The following SNU13 variants were observed in gnomAD, a reference collection of about 807,000 sequenced individuals.
SNU13 encodes small nuclear ribonucleoprotein 13.
A neutral mutation model predicts 12.4 loss-of-function variants in SNU13; 2 were observed. That is an observed-to-expected ratio of 0.16 (90% CI 0.07 to 0.51). The LOEUF is 0.51. Ranked by LOEUF, SNU13 falls within the 20% of genes least tolerant of loss-of-function variation. SNU13 has a pLI of 0.96. For missense variants in SNU13, 66 were observed against 157.8 expected, an observed-to-expected ratio of 0.42 and a Z score of 3.12; for synonymous variants, 68 against 66.5, an observed-to-expected ratio of 1.02 and a Z score of -0.11.
chr22:41,685,630 G>A (rs905405840), intron 1 of SNU13, among the ~76,000 whole-genome samples: 1 of 150,208 alleles, frequency 6.7e-6, no homozygotes, highest in Admixed American at 6.6e-5. Flanking sequence ...GGGTTTACAG[G>A]CATGAGCCAC....
At chr22:41,688,930 C>CGCGA (rs997378363), upstream of SNU13, 93 of 1,431,014 alleles carry the variant, frequency 6.5e-5, no homozygotes, top group Non-Finnish European at 7.6e-5. Context: ...GGTGACGCTA[C>CGCGA]GCGAGCGAGT....
intron 1 of SNU13, among the ~76,000 whole-genome samples, chr22:41,683,402 G>A (rs1012852847): frequency 6.6e-6 from 1 of 152,042 alleles, no homozygotes; most frequent in South Asian, 2.1e-4. Flanking sequence ...GCACCACCAC[G>A]TCTGGCTAAT....
chr22:41,681,520 A>G (rs1473506895), intron 1 of SNU13: 1 of 152,242 alleles, frequency 6.6e-6, no homozygotes, highest in South Asian at 2.1e-4. Context: ...GGCGGTAACC[A>G]GGTAGAAGAT....
intron 1 of SNU13, chr22:41,682,298 G>T: frequency 6.5e-7 from 1 of 1,540,160 alleles, no homozygotes; most frequent in Non-Finnish European, 9.0e-7. Context: ...GACCACGCTC[G>T]CGGCACCACA....
chr22:41,680,271 T>C lies in SNU13; in HGVS notation c.97A>G (p.Lys33Glu). ...TCATTGGCTCCTTTCCGAAGCTGCT[T>C]ATAGTTACATGACTGCTGAACGAGG... ...LDLVQQSCNY[K>E]QLRKGANEAT... Residue 33 changes from lysine (K) to glutamate (E), a missense_variant, in exon 2 of 3, where the codon AAG becomes GAG. Coordinates refer to ENST00000401959, the MANE Select transcript of SNU13 (RefSeq NM_001003796.2). 6.2e-7 allele frequency: 1 copy of C among 1,613,930 alleles called. No individual in the cohort carries two copies. Among genetic ancestry groups the C allele is most frequent in the Non-Finnish European group, 8.5e-7 (1 of 1,179,920 alleles).
At chr22:41,682,469 C>T (rs1286257703) in intron 1 of SNU13, 4 of 1,595,788 alleles carry the variant, frequency 2.5e-6, no homozygotes, top group Non-Finnish European at 2.6e-6. Context: ...CCCCCAAGAG[C>T]AGGAAGTGAC....
intron 1 of SNU13, among the ~76,000 whole-genome samples, chr22:41,686,682 A>G (rs1468612532): frequency 6.6e-6 from 1 of 151,634 alleles, no homozygotes; most frequent in Admixed American, 6.6e-5. Context: ...GCTGTAGTGC[A>G]GTGGCATGAT....
chr22:41,680,142 G>C, intron 2 of SNU13, 102 bp downstream of exon 2: 1 of 1,383,008 alleles, frequency 7.2e-7, no homozygotes, highest in Non-Finnish European at 9.6e-7. Context: ...GGTTGTAGTC[G>C]AGAGCAGCTA....
intron 1 of SNU13, among the ~76,000 whole-genome samples, chr22:41,688,545 T>C (rs559408009): frequency 1.3e-5 from 2 of 152,212 alleles, no homozygotes; most frequent in Non-Finnish European, 2.9e-5. Context: ...TGCAGGCCTT[T>C]TGCCAAGCAA....
In SNU13 at chr22:41,674,799, A is replaced by T; in HGVS notation, c.*134T>A. On this transcript the variant is annotated 3_prime_UTR_variant, in exon 3 of 3. Transcript: ENST00000401959. The stretch of plus-strand genomic sequence containing the variant: ...AAAACAGAACAAAAACAACACAAAA[A>T]TCCAGAAACCAGATTTAGTACTACA... The T allele has an allele frequency of 7.8e-7, 1 of 1,282,734 alleles. No individual in the cohort carries two copies. Among genetic ancestry groups the T allele is most frequent in the Non-Finnish European group, 1.1e-6 (1 of 939,212 alleles). The allele number at this position is 1,282,734 out of a possible 1,614,324, so 79.5% of individuals were successfully genotyped here. A position where few individuals can be genotyped will look rare whatever the true frequency, so the allele number is the denominator to read the frequency against.
upstream of SNU13, chr22:41,688,924 A>G (rs916373705): frequency 1.2e-4 from 172 of 1,441,414 alleles, no homozygotes; most frequent in African/African-American, 1.9e-3. Flanking sequence ...AGCGAAGGTG[A>G]CGCTACGCGA....
intron 1 of SNU13, among the ~76,000 whole-genome samples, chr22:41,685,504 C>G (rs1391100128): frequency 6.6e-6 from 1 of 151,858 alleles, no homozygotes; most frequent in Non-Finnish European, 1.5e-5. Context: ...CAGGCATGCG[C>G]CACCATGCCC....
intron 2 of SNU13, chr22:41,679,589 A>T (rs1008964580): frequency 6.6e-6 from 1 of 151,936 alleles, no homozygotes; most frequent in Admixed American, 6.6e-5. Flanking sequence ...AAATAAAATT[A>T]AAAAAATAAT....
chr22:41,680,858 C>A (rs114869527), intron 1 of SNU13, among the ~76,000 whole-genome samples: 8,105 of 152,196 alleles, frequency 0.053, 682 homozygotes, highest in African/African-American at 0.18. Context: ...CCATGCCAGG[C>A]TAATTTTGTA....
At chr22:41,679,355 G>A (rs1016700715) in intron 2 of SNU13, among the ~76,000 whole-genome samples, 2 of 152,100 alleles carry the variant, frequency 1.3e-5, no homozygotes, top group Admixed American at 6.6e-5. Context: ...TCAGGAGTTC[G>A]AGACCAGACT....
At chr22:41,686,591 C>T (rs1275205832) in intron 1 of SNU13, among the ~76,000 whole-genome samples, 2 of 148,830 alleles carry the variant, frequency 1.3e-5, no homozygotes, top group Non-Finnish European at 3.0e-5. Context: ...TGAGCTACCA[C>T]GTCCGGCCAT....
upstream of SNU13, among the ~76,000 whole-genome samples, chr22:41,689,606 C>T (rs539575421): frequency 6.0e-4 from 91 of 151,674 alleles, no homozygotes; most frequent in African/African-American, 2.1e-3. Context: ...GCGGAGCTTG[C>T]AGTGAGCCGA....
At chr22:41,680,991 G>C (rs1208440313) in intron 1 of SNU13, among the ~76,000 whole-genome samples, 1 of 152,162 alleles carries the variant, frequency 6.6e-6, no homozygotes, top group African/African-American at 2.4e-5. Flanking sequence ...AGGAGTCCAT[G>C]GGTAATCTTT....
Position 41,675,160 on chromosome 22 carries a change from T to C in SNU13, c.160A>G (p.Ile54Val), listed in dbSNP as rs1360020085. Reference sequence around the variant, plus strand: ...GGCTCGGCGTCTGCAGCCATCACGATGAACTCAGAGATGCCCCTGTTGAGG... The same window carrying C: ...GGCTCGGCGTCTGCAGCCATCACGACGAACTCAGAGATGCCCCTGTTGAGG... Reference protein sequence around the residue: ...KTLNRGISEFIVMAADAEPLE... With the variant: ...KTLNRGISEFVVMAADAEPLE... Residue 54 changes from isoleucine (I) to valine (V), a missense_variant, in exon 3 of 3, where the codon ATC (isoleucine) becomes GTC (valine). By Grantham distance (29) the Ile-to-Val change is conservative. Transcript: ENST00000401959. 6.2e-7 allele frequency: 1 copy of C among 1,614,030 alleles called. No homozygotes were observed.
Sources: allele counts gnomAD v4.1 joint callset (sites outside exome capture counted in the v4.1 genomes callset), GRCh38; gene constraint gnomAD v4.1.1; transcripts MANE v1.5; gene names NCBI Gene and HGNC (gene_info 2026-07-23, HGNC 2026-07-21).